Variants in CTNNA2 observed in about 807,000 individuals in gnomAD.
CTNNA2 encodes catenin alpha-2.
In CTNNA2, 42 loss-of-function variants were observed where a neutral mutation model predicts 101.0. The ratio of observed to expected loss-of-function variants is 0.42; its 90% CI spans 0.32 to 0.54. The LOEUF (loss-of-function observed/expected upper bound fraction) is 0.54, where lower values mean the gene tolerates loss of function less well. Among genes scored for constraint, CTNNA2 ranks in the 20% least tolerant of loss-of-function variants. CTNNA2 has a pLI of 0.14. For missense variants in CTNNA2, 871 were observed against 1,223.1 expected, an observed-to-expected ratio of 0.71 and a Z score of 4.29; for synonymous variants, 450 against 456.4, an observed-to-expected ratio of 0.99 and a Z score of 0.18.
intron 7 of CTNNA2, among the ~76,000 whole-genome samples, chr2:80,066,674 T>G (rs1466704215): frequency 6.6e-6 from 1 of 152,188 alleles, no homozygotes; most frequent in Admixed American, 6.5e-5. Flanking sequence ...CAAAGTAGTA[T>G]GGAGATATGT....
intron 7 of CTNNA2, among the ~76,000 whole-genome samples, chr2:80,219,103 G>GAA (rs1239407243): frequency 3.3e-5 from 5 of 151,988 alleles, no homozygotes; most frequent in Non-Finnish European, 7.4e-5. Flanking sequence ...AAGAAAGAAA[G>GAA]AAAAAAAGCC....
intron 2 of CTNNA2, among the ~76,000 whole-genome samples, chr2:79,739,731 T>G (rs1671152677): frequency 6.6e-6 from 1 of 152,326 alleles, no homozygotes; most frequent in African/African-American, 2.4e-5. Flanking sequence ...GATATCAAAC[T>G]TACGCACAGA....
intron 4 of CTNNA2, among the ~76,000 whole-genome samples, chr2:79,480,679 A>AG (rs1671099379): frequency 6.6e-6 from 1 of 152,146 alleles, no homozygotes; most frequent in Non-Finnish European, 1.5e-5. Flanking sequence ...CATTCTGCTC[A>AG]CTGTGTGATT....
intron 4 of CTNNA2, among the ~76,000 whole-genome samples, chr2:79,471,253 A>G (rs995900515): frequency 5.3e-5 from 8 of 152,136 alleles, no homozygotes; most frequent in Admixed American, 2.0e-4. Context: ...CTGCCATTAT[A>G]TGTGTCTCAG....
At chr2:80,366,970 C>A (rs1380624600) in intron 7 of CTNNA2, among the ~76,000 whole-genome samples, 2 of 150,942 alleles carry the variant, frequency 1.3e-5, no homozygotes, top group Admixed American at 6.6e-5. Flanking sequence ...AGGGAGGGGG[C>A]TTCCAGGTCA....
chr2:79,562,886 T>G (rs1397867400), intron 1 of CTNNA2, among the ~76,000 whole-genome samples: 3 of 151,982 alleles, frequency 2.0e-5, no homozygotes, highest in Non-Finnish European at 4.4e-5. Context: ...TGTGTGTGTA[T>G]GTCTGTGTGT....
At chr2:79,883,416 G>A (rs1349117357) in intron 6 of CTNNA2, among the ~76,000 whole-genome samples, 1 of 152,110 alleles carries the variant, frequency 6.6e-6, no homozygotes, top group Non-Finnish European at 1.5e-5. Flanking sequence ...GAGGAAAAAA[G>A]CAGTATTTTA....
intron 3 of CTNNA2, among the ~76,000 whole-genome samples, chr2:79,772,677 G>T (rs1558916779): frequency 6.6e-6 from 1 of 152,048 alleles, no homozygotes; most frequent in Non-Finnish European, 1.5e-5. Context: ...AGCTCAAGCG[G>T]TTCTCCTGCC....
chr2:79,752,841 G>A (rs953222), intron 3 of CTNNA2, among the ~76,000 whole-genome samples: 25,553 of 152,066 alleles, frequency 0.17, 2,565 homozygotes, highest in East Asian at 0.47. Context: ...AGAAGTATCA[G>A]GGTATATATG....
At chr2:80,431,939 C>G (rs1681565698) in intron 9 of CTNNA2, among the ~76,000 whole-genome samples, 1 of 151,668 alleles carries the variant, frequency 6.6e-6, no homozygotes, top group Non-Finnish European at 1.5e-5. Flanking sequence ...CACATTAGTG[C>G]CTGTTGGTAA....
At chr2:79,413,148 T>C (rs180872219) in intron 4 of CTNNA2, among the ~76,000 whole-genome samples, 147 of 152,110 alleles carry the variant, frequency 9.7e-4, no homozygotes, top group African/African-American at 3.4e-3. Context: ...TTTATTATCA[T>C]TGTTGTCATT....
intron 9 of CTNNA2, among the ~76,000 whole-genome samples, chr2:80,529,333 C>A (rs1690319779): frequency 6.6e-6 from 1 of 152,144 alleles, no homozygotes; most frequent in Non-Finnish European, 1.5e-5. Context: ...GGCCCATAGA[C>A]ATAGATTGTT....
intron 9 of CTNNA2, among the ~76,000 whole-genome samples, chr2:80,455,178 C>T (rs1190774637): frequency 6.6e-6 from 1 of 152,152 alleles, no homozygotes; most frequent in Non-Finnish European, 1.5e-5. Flanking sequence ...ATGAAGCAGC[C>T]TTTTTGTACC....
chr2:79,807,252 A>T (rs1027872317), intron 3 of CTNNA2, among the ~76,000 whole-genome samples: 1 of 151,996 alleles, frequency 6.6e-6, no homozygotes. Flanking sequence ...CATGATTTTT[A>T]TCCTCCAATG....
intron 18 of CTNNA2, among the ~76,000 whole-genome samples, chr2:80,627,998 G>A (rs909416844): frequency 6.6e-6 from 1 of 152,054 alleles, no homozygotes; most frequent in African/African-American, 2.4e-5. Flanking sequence ...AGTCATGAGT[G>A]AACTCCCATT....
chr2:80,362,985 A>C (rs1674559708), intron 7 of CTNNA2, among the ~76,000 whole-genome samples: 1 of 138,512 alleles, frequency 7.2e-6, no homozygotes, highest in Admixed American at 7.2e-5. Flanking sequence ...AGCCTGGGCA[A>C]CATAGCAAGA....
chr2:79,382,706 C>A (rs181161374), intron 4 of CTNNA2, among the ~76,000 whole-genome samples: 215 of 152,284 alleles, frequency 1.4e-3, no homozygotes, highest in African/African-American at 5.0e-3. Flanking sequence ...CTCTGCCTCC[C>A]GGGTTCATGC....
chr2:79,410,920 C>T (rs1678402304), intron 4 of CTNNA2, among the ~76,000 whole-genome samples: 1 of 152,026 alleles, frequency 6.6e-6, no homozygotes, highest in Admixed American at 6.6e-5. Context: ...GCTGTGAATC[C>T]ATCTGGTCCT....
intron 6 of CTNNA2, among the ~76,000 whole-genome samples, chr2:79,878,887 T>C (rs1683216285): frequency 6.6e-6 from 1 of 152,224 alleles, no homozygotes; most frequent in Non-Finnish European, 1.5e-5. Context: ...CATCATGAAG[T>C]CTTTGCCCAT....
Sources: gnomAD v4.1 joint callset for allele counts (sites outside exome capture counted in the v4.1 genomes callset) on GRCh38, gnomAD v4.1.1 for gene constraint, MANE v1.5 for transcripts, NCBI Gene and HGNC (gene_info 2026-07-23, HGNC 2026-07-21) for gene names.